BEST1: variants seen among roughly 807,000 people sequenced by gnomAD.
BEST1 encodes the protein bestrophin-1.
A neutral mutation model predicts 63.3 loss-of-function variants in BEST1; 58 were observed. The ratio of observed to expected loss-of-function variants is 0.92; its 90% confidence interval spans 0.74 to 1.14. The LOEUF (loss-of-function observed/expected upper bound fraction) is 1.14, where lower values mean the gene tolerates loss of function less well. Ranked by LOEUF, BEST1 falls within the 50% of genes most tolerant of loss-of-function variation. The pLI is 0.00. For synonymous variants in BEST1, 283 were observed against 291.6 expected (o/e 0.97, Z 0.30); for missense variants, 671 against 740.1 (o/e 0.91, Z 1.08).
intron 2 of BEST1, among the ~76,000 whole-genome samples, chr11:61,953,512 AC>A (rs1940936570): frequency 6.6e-6 from 1 of 152,190 alleles, no homozygotes; most frequent in Non-Finnish European, 1.5e-5. Context: ...GGAGTTCAAG[AC>A]CAGCCTGGCC....
chr11:61,960,067 G>A (rs1167574812), intron 9 of BEST1, 24 bp downstream of exon 9: 1 of 1,602,158 alleles, frequency 6.2e-7, no homozygotes, highest in Non-Finnish European at 8.5e-7. Flanking sequence ...CAGGGGGCTG[G>A]GTGGGAAGCC....
intron 3 of BEST1, 56 bp from the exon 4 acceptor site, chr11:61,955,662 T>C: frequency 6.6e-7 from 1 of 1,515,902 alleles, no homozygotes; most frequent in South Asian, 1.2e-5. Flanking sequence ...CGCTGGGCCC[T>C]GGGCTCTGGC....
Position 61,962,749 on chromosome 11 carries a change from TGAG to T in BEST1, c.1601_1603del (p.Arg534del), listed in dbSNP as rs2134471443. 6.2e-7 allele frequency: 1 copy of T among 1,614,202 alleles called. No homozygotes were observed. The stretch of plus-strand genomic sequence containing the variant: ...ATGGAGCACCCAGAAGTATCTCAAG[TGAG>T]GAGGAAAACTGTGGAGTTTAACCTG... On this transcript the variant is annotated inframe_deletion, in exon 10 of 11. Transcript: ENST00000378043.
chr11:61,955,977 G>A (rs1488909453), intron 4 of BEST1, 26 bp downstream of exon 4: 2 of 1,539,534 alleles, frequency 1.3e-6, no homozygotes, highest in East Asian at 4.9e-5. Context: ...GCAACGGGGA[G>A]GCACCGGGCA....
At chr11:61,963,571 G>C in intron 10 of BEST1, 1 of 1,026,230 alleles carries the variant, frequency 9.7e-7, no homozygotes, top group Non-Finnish European at 1.2e-6. Flanking sequence ...CCAATCACGT[G>C]GGAGGAAGTG....
chr11:61,964,938 C>G (rs771129386), downstream of BEST1: 1 of 1,613,802 alleles, frequency 6.2e-7, no homozygotes, highest in Non-Finnish European at 8.5e-7. Flanking sequence ...TTCCCAATCC[C>G]TAAGGCAAAT....
intron 9 of BEST1, 45 bp downstream of exon 9, chr11:61,960,088 C>CAG (rs773350464): frequency 6.3e-7 from 1 of 1,589,038 alleles, no homozygotes; most frequent in South Asian, 1.1e-5. Flanking sequence ...CCTCCTAGTG[C>CAG]AGGGGTCTGC....
At position 61,957,397 on chromosome 11, in the gene BEST1, C is replaced by G. The variant is rs281865275; in HGVS notation, c.647C>G (p.Thr216Ser). The change falls in exon 6 of 11, where the codon ACC (threonine) becomes AGC (serine). Residue 216 changes from threonine to serine, a missense_variant. Physicochemically the swap from Thr to Ser is moderately conservative, Grantham distance 58. Coordinates refer to ENST00000378043, the MANE Select transcript of BEST1 (RefSeq NM_004183.4). ...TCTTCTGCCCCCCAGGAGATGAACA[C>G]CTTGCGTACTCAGTGTGGACACCTG... ...LLQSLLNEMN[T>S]LRTQCGHLYA... The G allele has an allele frequency of 6.2e-6, 10 of 1,613,474 alleles. No individual in the cohort carries two copies. The South Asian group carries it at 6.6e-5, about 11-fold the overall frequency.
rs1258356666 is a variant in BEST1, at chr11:61,955,907, C to A, written c.437C>A (p.Ala146Glu). The A allele has an allele frequency of 7.7e-6, 12 of 1,550,366 alleles. No homozygotes were observed. Among genetic ancestry groups the A allele is most frequent in the Non-Finnish European group, 8.7e-6 (10 of 1,146,900 alleles). ...NVLILRSVST[A>E]VYKRFPSAQH... is the part of the protein sequence containing the mutation. ...CTCATCCTGCGCAGCGTCAGCACCGCAGTCTACAAGCGCTTCCCCAGCGCC... is the reference window on the plus strand; with the variant it reads ...CTCATCCTGCGCAGCGTCAGCACCGAAGTCTACAAGCGCTTCCCCAGCGCC... Residue 146 changes from alanine to glutamate, a missense_variant, in exon 4 of 11, where the codon GCA (alanine) becomes GAA (glutamate). By Grantham distance (107) the Ala-to-Glu change is moderately radical. Coordinates refer to ENST00000378043, the MANE Select transcript of BEST1 (RefSeq NM_004183.4).
chr11:61,958,907 TAC>T (rs1214610136), intron 7 of BEST1: 643 of 30,588 alleles, frequency 0.021, 8 homozygotes, highest in African/African-American at 0.033. Context: ...CACACACACA[TAC>T]ACACACACAC....
At chr11:61,959,247 G>A (rs1265975902) in intron 7 of BEST1, 46 of 566,262 alleles carry the variant, frequency 8.1e-5, no homozygotes, top group South Asian at 4.3e-4. Context: ...ACTCAGCCGA[G>A]TGATACACTC....
chr11:61,952,007 G>A, intron 2 of BEST1, 49 bp downstream of exon 2: 7 of 1,604,886 alleles, frequency 4.4e-6, no homozygotes, highest in Non-Finnish European at 5.9e-6. Flanking sequence ...ATGTGGCTGG[G>A]GCTGGGAGCT....
chr11:61,952,087 C>T, intron 2 of BEST1, 129 bp downstream of exon 2: 1 of 1,198,108 alleles, frequency 8.3e-7, no homozygotes, highest in South Asian at 1.3e-5. Context: ...GAGCTCCTGA[C>T]CAGGTCCTGG....
At chr11:61,963,186 C>T in intron 10 of BEST1, 1 of 1,436,068 alleles carries the variant, frequency 7.0e-7, no homozygotes, top group Non-Finnish European at 9.1e-7. Flanking sequence ...AGAACTGCCC[C>T]AGGGCTGACA....
chr11:61,964,118 C>G lies in BEST1; in HGVS notation c.1754C>G (p.Ser585Cys). 6.2e-7 allele frequency: 1 copy of G among 1,614,012 alleles called. No homozygotes were observed. Among genetic ancestry groups the G allele is most frequent in the Non-Finnish European group, 8.5e-7 (1 of 1,180,026 alleles). Reference protein sequence around the residue: ...WALENRDEAHS With the variant: ...WALENRDEAHC ...ATTCTCACTAGGGATGAAGCACATTCCTAACCTGCTTCCTAATGGGGATGC... is the reference window on the plus strand; with the variant it reads ...ATTCTCACTAGGGATGAAGCACATTGCTAACCTGCTTCCTAATGGGGATGC... The change falls in exon 11 of 11, where the codon TCC (serine) becomes TGC (cysteine). Residue 585 changes from serine (S) to cysteine (C), a missense_variant. Transcript: ENST00000378043.
chr11:61,964,166 G>A lies in BEST1; in HGVS notation c.*44G>A. The A allele has an allele frequency of 3.1e-6, 5 of 1,613,286 alleles. No individual in the cohort carries two copies. Among genetic ancestry groups the A allele is most frequent in the Non-Finnish European group, 4.2e-6 (5 of 1,179,898 alleles). ...TGCTTCGCCAGCCAGGTCCTCACCT[G>A]TGTGTACACCAGCAGGACACTGATC... On this transcript the variant is annotated 3_prime_UTR_variant, in exon 11 of 11. Transcript: ENST00000378043.
chr11:61,958,541 A>C, intron 7 of BEST1: 1 of 978,656 alleles, frequency 1.0e-6, no homozygotes, highest in East Asian at 2.6e-5. Context: ...GCCTGGGCAA[A>C]AGAATGAAAC....
chr11:61,960,062 G>T lies in BEST1; in HGVS notation c.1100+19G>T, dbSNP rs777134211. On this transcript the variant is annotated intron_variant, in intron 9 of 10. Transcript: ENST00000378043. Reference sequence around the variant, plus strand: ...ACATCAGGTGTGGCCAGAGCCAGGGGGCTGGGTGGGAAGCCCCTCCTAGTG... The same window carrying T: ...ACATCAGGTGTGGCCAGAGCCAGGGTGCTGGGTGGGAAGCCCCTCCTAGTG... 1 of 1,603,366 alleles carries T rather than the reference G, an allele frequency of 6.2e-7. No individual in the cohort carries two copies. The highest frequency in any genetic ancestry group is 8.5e-7 in the Non-Finnish European group (1 of 1,175,468).
chr11:61,958,524 C>T, intron 7 of BEST1: 2 of 1,113,076 alleles, frequency 1.8e-6, no homozygotes, highest in Non-Finnish European at 2.6e-6. Flanking sequence ...CGTGCCACTG[C>T]ACTCCAGCCT....
Sources: gnomAD v4.1 joint callset for allele counts (sites outside exome capture counted in the v4.1 genomes callset) on GRCh38, gnomAD v4.1.1 for gene constraint, MANE v1.5 for transcripts, NCBI Gene and HGNC (gene_info 2026-07-23, HGNC 2026-07-21) for gene names.